GLT1D1: variants seen among roughly 807,000 people sequenced by gnomAD.
The protein encoded by GLT1D1 is glycosyltransferase 1 domain-containing protein 1.
GLT1D1 carries 21 observed loss-of-function variants against 28.7 expected under a neutral mutation model. The ratio of observed to expected loss-of-function variants is 0.73; its 90% CI spans 0.52 to 1.05. The LOEUF is 1.05. Ranked by LOEUF, GLT1D1 falls within the 50% of genes least tolerant of loss-of-function variation. The pLI, the probability that GLT1D1 is intolerant of heterozygous loss-of-function variation, is 0.00. For synonymous variants in GLT1D1, 147 were observed against 124.8 expected, an observed-to-expected ratio of 1.18 and a Z score of -1.19; for missense variants, 343 against 330.6, an observed-to-expected ratio of 1.04 and a Z score of -0.29.
chr12:128,882,053 T>C (rs1957073026), intron 2 of GLT1D1, among the ~76,000 whole-genome samples: 1 of 152,146 alleles, frequency 6.6e-6, no homozygotes, highest in African/African-American at 2.4e-5. Context: ...TTCATACATA[T>C]TGCCAAGTTA....
intron 7 of GLT1D1, among the ~76,000 whole-genome samples, chr12:128,972,743 A>T (rs1879307678): frequency 6.6e-6 from 1 of 152,188 alleles, no homozygotes; most frequent in South Asian, 2.1e-4. Context: ...AACCTGGTAA[A>T]AGGTGCAGCT....
chr12:128,935,538 C>CAAAAAA (rs35895301), intron 4 of GLT1D1, among the ~76,000 whole-genome samples: 9 of 83,030 alleles, frequency 1.1e-4, no homozygotes, highest in African/African-American at 3.2e-4. Context: ...GACTCTGTCT[C>CAAAAAA]AAAAAAAAAA....
At chr12:128,912,501 A>G (rs2135886010) in intron 4 of GLT1D1, 41 bp downstream of exon 5, 2 of 1,109,554 alleles carry the variant, frequency 1.8e-6, no homozygotes, top group Non-Finnish European at 2.6e-6. Flanking sequence ...GTACAGGGAT[A>G]GAGAATGAAT....
chr12:128,945,517 A>G (rs912482073), intron 5 of GLT1D1, 148 bp downstream of exon 9: 2 of 713,548 alleles, frequency 2.8e-6, no homozygotes, highest in African/African-American at 3.5e-5. Flanking sequence ...AGCCCGTGGC[A>G]TCCTAGGCAC....
At chr12:128,874,362 A>G (rs1052413174) in intron 1 of GLT1D1, among the ~76,000 whole-genome samples, 12 of 150,642 alleles carry the variant, frequency 8.0e-5, no homozygotes, top group Admixed American at 1.3e-4. Context: ...TTGTATTTTT[A>G]GTAGAGACAG....
intron 4 of GLT1D1, among the ~76,000 whole-genome samples, chr12:128,906,120 G>A (rs762997876): frequency 1.3e-5 from 2 of 152,072 alleles, no homozygotes; most frequent in Admixed American, 6.6e-5. Flanking sequence ...AATTACAGGC[G>A]TGAGCGTCTG....
chr12:128,883,125 C>T (rs1957097225), intron 2 of GLT1D1, among the ~76,000 whole-genome samples: 4 of 150,322 alleles, frequency 2.7e-5, no homozygotes, highest in Admixed American at 2.7e-4. Context: ...CGGGTTTCAT[C>T]ATGTTGGCCA....
At chr12:128,947,868 G>A (rs1184157747) in intron 6 of GLT1D1, among the ~76,000 whole-genome samples, 1 of 152,160 alleles carries the variant, frequency 6.6e-6, no homozygotes, top group Non-Finnish European at 1.5e-5. Flanking sequence ...TAAGGGAGGG[G>A]AAGAAAGGGC....
chr12:128,879,363 T>C (rs1008201076), intron 2 of GLT1D1, among the ~76,000 whole-genome samples: 1 of 139,080 alleles, frequency 7.2e-6, no homozygotes, highest in African/African-American at 3.0e-5. Flanking sequence ...AAAGTGATAC[T>C]TATTATTTTT....
At chr12:128,914,775 G>C (rs1023115017) in intron 4 of GLT1D1, 158 bp from the exon 6 acceptor site, 2 of 557,620 alleles carry the variant, frequency 3.6e-6, no homozygotes, top group African/African-American at 1.9e-5. Context: ...AGCAGAGATC[G>C]TGGCACTGCA....
intron 4 of GLT1D1, among the ~76,000 whole-genome samples, chr12:128,928,252 T>C (rs1873488577): frequency 6.6e-6 from 1 of 151,900 alleles, no homozygotes; most frequent in Admixed American, 6.6e-5. Flanking sequence ...GTGTGGAAAA[T>C]GAGTATCTGT....
intron 7 of GLT1D1, among the ~76,000 whole-genome samples, chr12:128,972,077 C>T (rs1240213943): frequency 6.6e-6 from 1 of 151,890 alleles, no homozygotes; most frequent in Non-Finnish European, 1.5e-5. Flanking sequence ...GCAAGCTGTC[C>T]CTTGGGGATC....
At chr12:128,959,427 GGGAGGTGGCAGC>G (rs1215237899) in intron 7 of GLT1D1, among the ~76,000 whole-genome samples, 5 of 87,178 alleles carry the variant, frequency 5.7e-5, no homozygotes, top group South Asian at 5.5e-4. Context: ...GGGACGGGTG[GGGAGGTGGCAGC>G]GGGGTGGGGA....
chr12:128,964,593 C>A (rs1878278454), intron 7 of GLT1D1, among the ~76,000 whole-genome samples: 1 of 152,202 alleles, frequency 6.6e-6, no homozygotes, highest in Non-Finnish European at 1.5e-5. Context: ...CATGAACTCT[C>A]ACAACAATTC....
chr12:128,879,395 T>C (rs994252250), intron 2 of GLT1D1, among the ~76,000 whole-genome samples: 13 of 76,706 alleles, frequency 1.7e-4, no homozygotes, highest in Middle Eastern at 6.3e-3. Context: ...TCTTTCTTTC[T>C]TTCTTTCTTT....
In GLT1D1 at chr12:128,942,739, G is replaced by GTTTTTTTTTTT. The variant is rs199567989; in HGVS notation, c.376-2584_376-2583insTTTTTTTTTTT. ...CTTTAGATTCCAATTTTCTTTGTTT[G>GTTTTTTTTTTT]TTTGTTTTTGTTTTTTGTTTTTTTT... On this transcript the variant is annotated intron_variant, in intron 4 of 7. Coordinates refer to ENST00000281703, the MANE Select transcript of GLT1D1 (RefSeq NM_144669.3). 1.2e-4 allele frequency among the ~76,000 whole-genome samples: 12 copies of GTTTTTTTTTTT among 102,522 alleles called. 3 individuals carry two copies. The highest frequency in any genetic ancestry group is 4.8e-3 in the Middle Eastern group (1 of 208). The allele number at this position is 102,522 out of a possible 152,430, so 67.3% of individuals were successfully genotyped here. A position where few individuals can be genotyped will look rare whatever the true frequency, so the allele number is the denominator to read the frequency against.
At chr12:128,933,424 T>A (rs1452576057) in intron 4 of GLT1D1, among the ~76,000 whole-genome samples, 3 of 152,292 alleles carry the variant, frequency 2.0e-5, no homozygotes, top group South Asian at 4.1e-4. Flanking sequence ...TCTGATTTTT[T>A]AAAAACTGTC....
chr12:128,982,694 G>A (rs1880444857), intron 7 of GLT1D1, among the ~76,000 whole-genome samples: 1 of 151,778 alleles, frequency 6.6e-6, no homozygotes, highest in African/African-American at 2.4e-5. Context: ...GTGCATGTGT[G>A]TGCATATGTG....
chr12:128,881,562 ATATATATAT>A (rs1217205804), intron 2 of GLT1D1, among the ~76,000 whole-genome samples: 14 of 21,862 alleles, frequency 6.4e-4, no homozygotes, highest in African/African-American at 2.0e-3. Flanking sequence ...AAAAAAAAAA[ATATATATAT>A]ATATATATAT....
Sources: gnomAD v4.1 joint callset for allele counts (sites outside exome capture counted in the v4.1 genomes callset) on GRCh38, gnomAD v4.1.1 for gene constraint, MANE v1.5 for transcripts, NCBI Gene and HGNC (gene_info 2026-07-23, HGNC 2026-07-21) for gene names.